The following GRID1 variants were observed in gnomAD, a reference collection of about 807,000 sequenced individuals.
GRID1 encodes the protein glutamate ionotropic receptor delta type subunit 1.
A neutral mutation model predicts 98.0 loss-of-function variants in GRID1; 28 were observed. The ratio of observed to expected loss-of-function variants is 0.29; its 90% CI spans 0.21 to 0.39. The LOEUF (loss-of-function observed/expected upper bound fraction) is 0.39, where lower values mean the gene tolerates loss of function less well. GRID1 is among the 10% of genes least tolerant of loss of function. The pLI is 1.00. For missense variants in GRID1, 1,111 were observed against 1,340.5 expected, an observed-to-expected ratio of 0.83 and a Z score of 2.67; for synonymous variants, 553 against 538.5, an observed-to-expected ratio of 1.03 and a Z score of -0.37.
chr10:85,670,476 T>C (rs1841072416), intron 12 of GRID1, among the ~76,000 whole-genome samples: 1 of 152,180 alleles, frequency 6.6e-6, no homozygotes, highest in South Asian at 2.1e-4. Flanking sequence ...GGAAGAAAGA[T>C]ACCTCAGAAA....
chr10:86,337,453 A>C (rs10887579), intron 2 of GRID1, among the ~76,000 whole-genome samples: 41,247 of 152,022 alleles, frequency 0.27, 7,120 homozygotes, highest in Admixed American at 0.38. Context: ...CCCAGCTACA[A>C]CACCACAGAA....
chr10:86,049,532 GGAAGAGACGT>G (rs759115202), intron 4 of GRID1, among the ~76,000 whole-genome samples: 3 of 152,218 alleles, frequency 2.0e-5, no homozygotes, highest in Non-Finnish European at 4.4e-5. Flanking sequence ...TGCCACACCA[GGAAGAGACGT>G]GCTTAATCCC....
intron 4 of GRID1, among the ~76,000 whole-genome samples, chr10:86,090,528 GA>G (rs570698645): frequency 0.02 from 2,930 of 143,686 alleles, 74 homozygotes; most frequent in African/African-American, 0.059. Context: ...GTGAGACTAT[GA>G]AAAAAAAAAA....
chr10:86,046,092 A>G (rs1241648008), intron 4 of GRID1, among the ~76,000 whole-genome samples: 1 of 152,148 alleles, frequency 6.6e-6, no homozygotes, highest in Non-Finnish European at 1.5e-5. Context: ...AGACACACCC[A>G]CCGTTGTGCC....
At chr10:85,900,225 G>T (rs149976311) in intron 5 of GRID1, among the ~76,000 whole-genome samples, 2 of 152,224 alleles carry the variant, frequency 1.3e-5, no homozygotes, top group African/African-American at 4.8e-5. Context: ...GCAGCCACGT[G>T]TGAATGTGTG....
intron 4 of GRID1, among the ~76,000 whole-genome samples, chr10:86,024,609 G>T (rs1358333336): frequency 6.6e-6 from 1 of 152,198 alleles, no homozygotes; most frequent in Non-Finnish European, 1.5e-5. Context: ...TCTGAGCCAG[G>T]TGAGGGCTCC....
chr10:85,808,203 T>C (rs1332965807), intron 8 of GRID1, among the ~76,000 whole-genome samples: 3 of 152,212 alleles, frequency 2.0e-5, no homozygotes, highest in Non-Finnish European at 2.9e-5. Context: ...AGGAGGCCCA[T>C]ATTCACACCA....
chr10:85,619,295 A>G (rs1315529769), intron 14 of GRID1, among the ~76,000 whole-genome samples: 1 of 152,170 alleles, frequency 6.6e-6, no homozygotes, highest in African/African-American at 2.4e-5. Flanking sequence ...TGGACCAGGA[A>G]AGTTCTGCCC....
At chr10:86,032,958 A>T (rs1589344697) in intron 4 of GRID1, among the ~76,000 whole-genome samples, 1 of 151,594 alleles carries the variant, frequency 6.6e-6, no homozygotes, top group East Asian at 1.9e-4. Flanking sequence ...GATCCAATTT[A>T]AAAAATAAAT....
chr10:86,355,365 T>G lies in GRID1; in HGVS notation c.235+8576A>C, dbSNP rs1848520344. On this transcript the variant is annotated intron_variant, in intron 2 of 15. Transcript: ENST00000327946. ...GGGACCAGGGTGGGCCAGGTGGAGA[T>G]GCAGTCTCAGAGCCCAGCTGCCTCA... is the stretch of plus-strand genomic sequence containing the variant. Among the ~76,000 whole-genome samples the G allele has an allele frequency of 2.0e-5, 3 of 152,194 alleles. No homozygotes were observed. In the South Asian group the frequency reaches 6.2e-4, roughly 31 times the overall value.
chr10:86,331,340 C>G (rs929156047), intron 2 of GRID1, among the ~76,000 whole-genome samples: 1 of 152,148 alleles, frequency 6.6e-6, no homozygotes, highest in Non-Finnish European at 1.5e-5. Context: ...ACAGGGCCTC[C>G]CAGCCTGCAG....
At chr10:86,041,902 C>T (rs951525517) in intron 4 of GRID1, among the ~76,000 whole-genome samples, 2 of 152,310 alleles carry the variant, frequency 1.3e-5, no homozygotes, top group Admixed American at 6.5e-5. Flanking sequence ...TCTGGCCTCA[C>T]GCTGCCTGCT....
intron 4 of GRID1, among the ~76,000 whole-genome samples, chr10:86,032,254 C>T (rs575260912): frequency 4.6e-5 from 7 of 152,216 alleles, no homozygotes; most frequent in East Asian, 1.9e-4. Context: ...AGGTGGGGGG[C>T]GCCTCTGCCC....
intron 13 of GRID1, among the ~76,000 whole-genome samples, chr10:85,634,998 G>GGA (rs1843019122): frequency 2.9e-5 from 1 of 35,008 alleles, no homozygotes; most frequent in Non-Finnish European, 5.4e-5. Flanking sequence ...GAGGAAATCT[G>GGA]AAAAAAAAAA....
intron 2 of GRID1, among the ~76,000 whole-genome samples, chr10:86,316,811 T>A (rs1412811280): frequency 6.6e-6 from 1 of 151,132 alleles, no homozygotes; most frequent in African/African-American, 2.4e-5. Flanking sequence ...GAGATGGCTG[T>A]CTTGCTTTTA....
intron 4 of GRID1, among the ~76,000 whole-genome samples, chr10:86,100,516 T>C (rs1197476820): frequency 6.6e-6 from 1 of 152,134 alleles, no homozygotes; most frequent in Admixed American, 6.5e-5. Context: ...TAATAAGTTA[T>C]ACAGTCAGGA....
intron 13 of GRID1, among the ~76,000 whole-genome samples, chr10:85,623,267 A>C (rs1842877027): frequency 6.6e-6 from 1 of 152,170 alleles, no homozygotes; most frequent in Non-Finnish European, 1.5e-5. Flanking sequence ...CTGAGACATA[A>C]GGCTTCTTAG....
At chr10:85,867,089 C>T (rs1489561773) in intron 6 of GRID1, among the ~76,000 whole-genome samples, 4 of 152,178 alleles carry the variant, frequency 2.6e-5, no homozygotes, top group Admixed American at 1.3e-4. Flanking sequence ...CTCAGTCTCT[C>T]TTTCTCTCTC....
At chr10:85,902,166 G>A (rs1841397962) in intron 5 of GRID1, among the ~76,000 whole-genome samples, 1 of 152,214 alleles carries the variant, frequency 6.6e-6, no homozygotes, top group African/African-American at 2.4e-5. Flanking sequence ...AAGATCCCCA[G>A]TGGATGCCTG....
Sources: allele counts gnomAD v4.1 joint callset (sites outside exome capture counted in the v4.1 genomes callset), GRCh38; gene constraint gnomAD v4.1.1; transcripts MANE v1.5; gene names NCBI Gene and HGNC (gene_info 2026-07-23, HGNC 2026-07-21).